Variants in CDH9 observed in about 807,000 individuals in gnomAD.
CDH9 encodes cadherin 9.
In CDH9, 28 loss-of-function variants were observed where a neutral mutation model predicts 70.9. The observed-to-expected ratio is 0.40, with a 90% CI of 0.29 to 0.54. The LOEUF (loss-of-function observed/expected upper bound fraction) is 0.54. Among genes scored for constraint, CDH9 ranks in the 20% least tolerant of loss-of-function variants. The pLI, the probability that CDH9 is intolerant of heterozygous loss-of-function variation, is 0.59. For missense variants in CDH9, 874 were observed against 984.4 expected, an observed-to-expected ratio of 0.89 and a Z score of 1.50; for synonymous variants, 409 against 343.1, an observed-to-expected ratio of 1.19 and a Z score of -2.12.
At chr5:26,999,622 T>G (rs1010087535) in intron 1 of CDH9, among the ~76,000 whole-genome samples, 1 of 152,162 alleles carries the variant, frequency 6.6e-6, no homozygotes, top group Admixed American at 6.5e-5. Flanking sequence ...GGCAATTCAA[T>G]GTAGAAAGAA....
intron 1 of CDH9, among the ~76,000 whole-genome samples, chr5:27,025,967 C>T (rs1743214105): frequency 6.6e-6 from 1 of 151,936 alleles, no homozygotes; most frequent in Non-Finnish European, 1.5e-5. Flanking sequence ...TTCAGTGAGT[C>T]TTTCACTTAT....
intron 11 of CDH9, among the ~76,000 whole-genome samples, chr5:26,883,083 AT>A (rs1561181225): frequency 1.2e-4 from 16 of 131,148 alleles, no homozygotes; most frequent in African/African-American, 4.2e-4. Flanking sequence ...ATATATATAT[AT>A]ATATATATAT....
chr5:26,982,845 G>T (rs576108573), intron 2 of CDH9, among the ~76,000 whole-genome samples: 44 of 151,848 alleles, frequency 2.9e-4, no homozygotes, highest in African/African-American at 1.0e-3. Context: ...ACCACACCTG[G>T]ATAATATTTG....
intron 4 of CDH9, 25 bp from the exon 5 acceptor site, chr5:26,906,151 T>C (rs772362976): frequency 4.4e-6 from 7 of 1,594,492 alleles, no homozygotes; most frequent in Non-Finnish European, 6.0e-6. Flanking sequence ...AGACAAAAGT[T>C]TTGCAATTAA....
At chr5:26,918,154 T>A (rs1741179538) in intron 2 of CDH9, among the ~76,000 whole-genome samples, 3 of 152,206 alleles carry the variant, frequency 2.0e-5, no homozygotes, top group African/African-American at 7.2e-5. Context: ...TGTTTTGTTT[T>A]GCCTTTATGT....
At chr5:26,884,762 C>T (rs1740531365) in intron 11 of CDH9, among the ~76,000 whole-genome samples, 1 of 152,128 alleles carries the variant, frequency 6.6e-6, no homozygotes. Flanking sequence ...TTGGCTAGCT[C>T]TCCTGCCCTA....
At position 26,988,156 on chromosome 5, in the gene CDH9, A is replaced by G; in HGVS notation, c.178T>C (p.Phe60Leu). Residue 60 changes from phenylalanine (F) to leucine (L), a missense_variant, in exon 2 of 12, where the codon TTC becomes CTC. Transcript: ENST00000231021. Reference sequence around the variant, plus strand: ...CCTGTGTACTCTTCCAATAAGAAGAACTGATTCCACATCCAGCCACGCTTG... The same window carrying G: ...CCTGTGTACTCTTCCAATAAGAAGAGCTGATTCCACATCCAGCCACGCTTG... ...RTKRGWMWNQ[F>L]FLLEEYTGTD... The G allele has an allele frequency of 1.2e-6, 2 of 1,613,380 alleles. No homozygotes were observed. The highest frequency in any genetic ancestry group is 1.7e-4 in the Middle Eastern group (1 of 6,020).
chr5:26,968,713 TG>T (rs1445900087), intron 2 of CDH9, among the ~76,000 whole-genome samples: 19 of 152,108 alleles, frequency 1.2e-4, no homozygotes, highest in Non-Finnish European at 2.1e-4. Flanking sequence ...TCAGTATGGT[TG>T]GGGGGCAAAT....
At chr5:27,035,566 CTT>C (rs1743376920) in intron 1 of CDH9, among the ~76,000 whole-genome samples, 1 of 151,536 alleles carries the variant, frequency 6.6e-6, no homozygotes, top group East Asian at 1.9e-4. Flanking sequence ...GAAAATTTAA[CTT>C]TAAGCAGACG....
chr5:26,906,686 C>T, intron 4 of CDH9, 33 bp downstream of exon 4: 1 of 1,609,278 alleles, frequency 6.2e-7, no homozygotes, highest in Non-Finnish European at 8.5e-7. Context: ...ATGTATTATA[C>T]AATAAGAAGT....
At chr5:27,036,087 G>A (rs911815050) in intron 1 of CDH9, among the ~76,000 whole-genome samples, 5 of 151,744 alleles carry the variant, frequency 3.3e-5, no homozygotes, top group African/African-American at 4.8e-5. Context: ...ACTCTCTAAA[G>A]CATTCTTATT....
At chr5:26,924,141 C>A (rs1741295550) in intron 2 of CDH9, among the ~76,000 whole-genome samples, 1 of 151,704 alleles carries the variant, frequency 6.6e-6, no homozygotes, top group South Asian at 2.1e-4. Context: ...ACAAAATCAA[C>A]AATCATTTAT....
intron 2 of CDH9, among the ~76,000 whole-genome samples, chr5:26,934,629 C>T (rs1741527469): frequency 6.6e-6 from 1 of 152,052 alleles, no homozygotes; most frequent in African/African-American, 2.4e-5. Context: ...AAACTATATC[C>T]AAGCCATTCT....
intron 3 of CDH9, among the ~76,000 whole-genome samples, chr5:26,912,917 A>G (rs1005940917): frequency 1.3e-5 from 2 of 152,078 alleles, no homozygotes; most frequent in Admixed American, 6.6e-5. Flanking sequence ...ATAAGTCCCA[A>G]GACATCTGAT....
chr5:26,920,083 A>G (rs995074785), intron 2 of CDH9, among the ~76,000 whole-genome samples: 2 of 151,996 alleles, frequency 1.3e-5, no homozygotes, highest in Non-Finnish European at 2.9e-5. Flanking sequence ...ATCCTGGGGT[A>G]CCAATTATGG....
intron 1 of CDH9, among the ~76,000 whole-genome samples, chr5:27,034,470 G>GA (rs1241231910): frequency 2.6e-5 from 4 of 151,554 alleles, no homozygotes; most frequent in African/African-American, 4.8e-5. Flanking sequence ...TAATAGGATA[G>GA]AAAAAAATCT....
chr5:26,987,091 CTTTTTT>C lies in CDH9; in HGVS notation c.228+1009_228+1014del, dbSNP rs201154706. Among the ~76,000 whole-genome samples, 489 of 108,248 alleles carry C rather than the reference CTTTTTT, an allele frequency of 4.5e-3. 3 individuals carry two copies. Among genetic ancestry groups the C allele is most frequent in the East Asian group, 0.038 (115 of 3,040 alleles). The allele number at this position is 108,248 out of a possible 152,430, so 71.0% of individuals were successfully genotyped here. ...ATTTGTGATATTAGGCACTTGTATT[CTTTTTT>C]TTTTTTTTTTTTTTTTCATTTTTGG... On this transcript the variant is annotated intron_variant, in intron 2 of 11. Transcript: ENST00000231021.
intron 2 of CDH9, among the ~76,000 whole-genome samples, chr5:26,969,786 T>C (rs1016036397): frequency 6.6e-6 from 1 of 151,890 alleles, no homozygotes; most frequent in East Asian, 1.9e-4. Context: ...TTCTGTTGAT[T>C]CTCTTTTCCT....
At chr5:26,938,664 T>A (rs1021085814) in intron 2 of CDH9, among the ~76,000 whole-genome samples, 28 of 152,122 alleles carry the variant, frequency 1.8e-4, no homozygotes, top group African/African-American at 6.8e-4. Flanking sequence ...TTCAAATACA[T>A]GTATAAAATT....
Sources: allele counts gnomAD v4.1 joint callset (sites outside exome capture counted in the v4.1 genomes callset), GRCh38; gene constraint gnomAD v4.1.1; transcripts MANE v1.5; gene names NCBI Gene and HGNC (gene_info 2026-07-23, HGNC 2026-07-21).